OCA2: variants seen among roughly 807,000 people sequenced by gnomAD.
OCA2 encodes OCA2 melanosomal transmembrane protein, also known as P protein.
OCA2 carries 77 observed loss-of-function variants against 100.2 expected under a neutral mutation model. The ratio of observed to expected loss-of-function variants is 0.77; its 90% CI spans 0.64 to 0.93. The LOEUF (loss-of-function observed/expected upper bound fraction) is 0.93. Ranked by LOEUF, OCA2 falls within the 40% of genes least tolerant of loss-of-function variation. The probability of loss-of-function intolerance (pLI) is 0.00; values close to 1 mark genes in which losing one functional copy is unlikely to be tolerated. For synonymous variants in OCA2, 432 were observed against 439.2 expected (o/e 0.98, Z 0.21); for missense variants, 1,062 against 1,089.1 (o/e 0.98, Z 0.35).
chr15:28,077,577 A>G (rs1256023112), intron 2 of OCA2, among the ~76,000 whole-genome samples: 1 of 152,136 alleles, frequency 6.6e-6, no homozygotes, highest in Non-Finnish European at 1.5e-5. Context: ...CAGGGTCCCA[A>G]AGACAAGGGT....
At chr15:27,844,058 G>T (rs1470806108) in intron 23 of OCA2, among the ~76,000 whole-genome samples, 1 of 152,194 alleles carries the variant, frequency 6.6e-6, no homozygotes, top group Non-Finnish European at 1.5e-5. Context: ...CATTTGACAG[G>T]GGTTTCCAGC....
intron 2 of OCA2, among the ~76,000 whole-genome samples, chr15:28,080,153 T>TA (rs1460132577): frequency 1.3e-5 from 2 of 152,162 alleles, no homozygotes; most frequent in Non-Finnish European, 2.9e-5. Context: ...CTTCCGGCCA[T>TA]ATTAGACACT....
rs567735745 is a variant in OCA2 at position 27,780,651 on chromosome 15, T to TA, written c.2433-25180_2433-25179insT. Reference sequence around the variant, plus strand: ...ATTACAGGCTCCTTAGAGCCTAATATTCTGATGTGCACTGTGCTTCTCCAA... The same window carrying TA: ...ATTACAGGCTCCTTAGAGCCTAATATATCTGATGTGCACTGTGCTTCTCCAA... On this transcript the variant is annotated intron_variant, in intron 23 of 23. Transcript: ENST00000354638. Among the ~76,000 whole-genome samples, 4 of 152,354 alleles carry TA rather than the reference T, an allele frequency of 2.6e-5. No individual in the cohort carries two copies. The South Asian group carries it at 8.3e-4, about 32-fold the overall frequency.
intron 22 of OCA2, among the ~76,000 whole-genome samples, chr15:27,845,863 C>G (rs1423850293): frequency 2.0e-5 from 3 of 152,198 alleles, no homozygotes; most frequent in Non-Finnish European, 4.4e-5. Flanking sequence ...CTGTGCAACA[C>G]TGCCCTGGAG....
At chr15:27,958,487 C>T (rs1324629975) in intron 15 of OCA2, among the ~76,000 whole-genome samples, 1 of 152,166 alleles carries the variant, frequency 6.6e-6, no homozygotes, top group African/African-American at 2.4e-5. Context: ...CAGGGAGGCG[C>T]CCTCCAACCA....
intron 23 of OCA2, among the ~76,000 whole-genome samples, chr15:27,775,063 C>CAT (rs1355131448): frequency 2.1e-5 from 3 of 143,034 alleles, no homozygotes; most frequent in East Asian, 2.1e-4. Context: ...TTTTAGAACT[C>CAT]GTGTGTGTGT....
chr15:28,007,384 G>GA (rs1187609584), intron 9 of OCA2, among the ~76,000 whole-genome samples: 2 of 152,218 alleles, frequency 1.3e-5, no homozygotes, highest in Non-Finnish European at 2.9e-5. Flanking sequence ...CAAAGTGCAA[G>GA]AGTTAGGAGG....
chr15:27,730,732 A>AATATATATACATAT, the OCA2 span, among the ~76,000 whole-genome samples: 1 of 102,014 alleles, frequency 9.8e-6, no homozygotes, highest in African/African-American at 3.3e-5. Flanking sequence ...AAAAAGACCA[A>AATATATATACATAT]ATATATATAT....
In OCA2 at chr15:28,018,567, T is replaced by C. The variant is rs764900754; in HGVS notation, c.647-10A>G. ...CTGCTAAGGTTCACGGCTCGGAGAG[T>C]GTCAAGGAGAACCACAAGGCAGACA... On this transcript the variant is annotated splice_polypyrimidine_tract_variant and intron_variant, in intron 6 of 23. Coordinates refer to ENST00000354638, the MANE Select transcript of OCA2 (RefSeq NM_000275.3). 13 of 1,608,778 alleles carry C rather than the reference T, an allele frequency of 8.1e-6. No individual in the cohort carries two copies. Among genetic ancestry groups the C allele is most frequent in the South Asian group, 2.2e-5 (2 of 90,632 alleles).
At chr15:27,797,000 A>G (rs1047135943) in intron 23 of OCA2, among the ~76,000 whole-genome samples, 37 of 152,160 alleles carry the variant, frequency 2.4e-4, no homozygotes, top group African/African-American at 8.9e-4. Flanking sequence ...CACCCACTTC[A>G]CACGCAGGTA....
chr15:27,933,403 A>C (rs2039329539), intron 18 of OCA2, among the ~76,000 whole-genome samples: 1 of 152,104 alleles, frequency 6.6e-6, no homozygotes, highest in Admixed American at 6.5e-5. Flanking sequence ...TCATTGCTTA[A>C]TGATTATAGG....
intron 2 of OCA2, among the ~76,000 whole-genome samples, chr15:28,064,649 G>C (rs1488247882): frequency 6.6e-6 from 1 of 151,876 alleles, no homozygotes; most frequent in Non-Finnish European, 1.5e-5. Context: ...TTTGTTGATA[G>C]ACTCATTTTG....
intron 23 of OCA2, among the ~76,000 whole-genome samples, chr15:27,797,553 A>G (rs983094509): frequency 1.5e-5 from 1 of 67,874 alleles, no homozygotes; most frequent in South Asian, 4.1e-4. Flanking sequence ...AACGGAGACT[A>G]TTATTGCTGT....
In OCA2 at chr15:28,032,090, G is replaced by A. The variant is rs1297391973; in HGVS notation, c.301C>T (p.Leu101=). The A allele has an allele frequency of 1.5e-5, 25 of 1,613,692 alleles. No individual in the cohort carries two copies. Among genetic ancestry groups the A allele is most frequent in the Non-Finnish European group, 2.1e-5 (25 of 1,179,698 alleles). ...CCTTTCTCCTGTAAGGAATTCCTCA[G>A]CAAAGGAGTGTTTTCTGTAAAGCAG... ...DSCFTENTPL[L]RNSLQEKGSR... Residue 101 remains leucine, a synonymous_variant, in exon 3 of 24, where the codon CTG becomes TTG. Coordinates refer to ENST00000354638, the MANE Select transcript of OCA2 (RefSeq NM_000275.3).
At chr15:27,970,914 G>GTA (rs1282577229) in intron 14 of OCA2, among the ~76,000 whole-genome samples, 1 of 113,782 alleles carries the variant, frequency 8.8e-6, no homozygotes, top group East Asian at 2.8e-4. Flanking sequence ...ATGGGAAAAC[G>GTA]TAAAGAACGT....
chr15:28,006,256 C>T (rs1195529516), intron 9 of OCA2, among the ~76,000 whole-genome samples: 3 of 152,158 alleles, frequency 2.0e-5, no homozygotes, highest in Non-Finnish European at 4.4e-5. Flanking sequence ...CTTCCTTTCG[C>T]CCCACCACCC....
chr15:27,817,412 A>T (rs537143935), intron 23 of OCA2, among the ~76,000 whole-genome samples: 75 of 152,310 alleles, frequency 4.9e-4, no homozygotes, highest in African/African-American at 1.8e-3. Context: ...TACAAATAAC[A>T]ACTTGAACAT....
chr15:28,004,763 TCACA>T (rs1370743323), intron 9 of OCA2, among the ~76,000 whole-genome samples: 3 of 151,798 alleles, frequency 2.0e-5, no homozygotes, highest in Non-Finnish European at 4.4e-5. Context: ...ACACATGGTC[TCACA>T]CACACACCCT....
At chr15:28,027,161 T>C (rs576643222) in intron 4 of OCA2, among the ~76,000 whole-genome samples, 41 of 152,308 alleles carry the variant, frequency 2.7e-4, no homozygotes, top group Admixed American at 2.1e-3. Flanking sequence ...GCCAGTAAGG[T>C]GAGAGCGCTA....
Sources: allele counts gnomAD v4.1 joint callset (sites outside exome capture counted in the v4.1 genomes callset), GRCh38; gene constraint gnomAD v4.1.1; transcripts MANE v1.5; gene names NCBI Gene and HGNC (gene_info 2026-07-23, HGNC 2026-07-21).